The following OSBPL10 variants were observed in gnomAD, a reference collection of about 807,000 sequenced individuals.
OSBPL10 encodes the protein oxysterol binding protein like 10, also known as oxysterol-binding protein-related protein 10.
OSBPL10 carries 49 observed loss-of-function variants against 81.7 expected under a neutral mutation model. That is an observed-to-expected ratio of 0.60 (90% confidence interval 0.48 to 0.76). OSBPL10 has a LOEUF of 0.76. OSBPL10 is among the 30% of genes least tolerant of loss of function. The probability of loss-of-function intolerance (pLI) is 0.00; values close to 1 mark genes in which losing one functional copy is unlikely to be tolerated. For missense variants in OSBPL10, 923 were observed against 987.8 expected, an observed-to-expected ratio of 0.93 and a Z score of 0.88; for synonymous variants, 419 against 383.6, an observed-to-expected ratio of 1.09 and a Z score of -1.08.
intron 1 of OSBPL10, among the ~76,000 whole-genome samples, chr3:32,058,569 C>T (rs894503844): frequency 1.3e-5 from 2 of 152,120 alleles, no homozygotes; most frequent in African/African-American, 4.8e-5. Flanking sequence ...TCAAGTGATC[C>T]GCCCACCTCG....
chr3:31,853,790 C>A (rs1456060182), intron 3 of OSBPL10, among the ~76,000 whole-genome samples: 2 of 152,168 alleles, frequency 1.3e-5, no homozygotes, highest in East Asian at 3.9e-4. Context: ...CTGGCTGCAC[C>A]ACCCACACAT....
In OSBPL10 at chr3:31,879,909, C is replaced by T. The variant is rs1695509404; in HGVS notation, c.282-79G>A. 4 of 1,416,342 alleles carry T rather than the reference C, an allele frequency of 2.8e-6. No individual in the cohort carries two copies. The African/African-American group carries it at 5.8e-5, about 20-fold the overall frequency. 87.7% of individuals were successfully genotyped at this position (1,416,342 alleles called of 1,614,324 possible). On this transcript the variant is annotated intron_variant, in intron 1 of 11. Coordinates refer to ENST00000396556, the MANE Select transcript of OSBPL10 (RefSeq NM_017784.5). ...GCAAAGCAGAAAAAAGCAAAGTGAT[C>T]CAGAAGTCAACATCAAGACTCCACA...
chr3:31,792,257 C>T (rs1352602338), intron 4 of OSBPL10, among the ~76,000 whole-genome samples: 3 of 151,536 alleles, frequency 2.0e-5, no homozygotes, highest in South Asian at 2.1e-4. Context: ...ATGAGCAAGT[C>T]GTAATAATCT....
chr3:32,002,244 C>T (rs1182420902), intron 2 of OSBPL10, among the ~76,000 whole-genome samples: 1 of 152,144 alleles, frequency 6.6e-6, no homozygotes, highest in Non-Finnish European at 1.5e-5. Context: ...GCTGTCCACT[C>T]AACCAACCCA....
chr3:31,737,305 T>C (rs1002101782), intron 5 of OSBPL10, among the ~76,000 whole-genome samples: 2 of 152,028 alleles, frequency 1.3e-5, no homozygotes, highest in Non-Finnish European at 2.9e-5. Flanking sequence ...CATTCTTACG[T>C]GGAGTGAATA....
chr3:31,702,436 A>G lies in OSBPL10; in HGVS notation c.1168T>C (p.Leu390=). Residue 390 remains leucine, a synonymous_variant, in exon 7 of 12, where the codon TTG becomes CTG. Coordinates refer to ENST00000396556, the MANE Select transcript of OSBPL10 (RefSeq NM_017784.5). The part of the protein sequence containing the change: ...SDNEDKEETE[L]GVMEDQRSII... Reference sequence around the variant, plus strand: ...CTACGCTGATCCTCCATGACGCCCAATTCCGTCTCTTCCTTATCTTCATTG... The same window carrying G: ...CTACGCTGATCCTCCATGACGCCCAGTTCCGTCTCTTCCTTATCTTCATTG... 2 of 1,614,202 alleles carry G rather than the reference A, an allele frequency of 1.2e-6. No homozygotes were observed. The highest frequency in any genetic ancestry group is 4.5e-5 in the East Asian group (2 of 44,892).
chr3:31,664,022 C>T (rs1211710599), intron 11 of OSBPL10, 57 bp downstream of exon 11: 5 of 1,614,042 alleles, frequency 3.1e-6, no homozygotes, highest in Non-Finnish European at 4.2e-6. Context: ...AACCCATCTA[C>T]CCTCTCAGGA....
intron 4 of OSBPL10, among the ~76,000 whole-genome samples, chr3:31,791,089 A>G (rs1043764304): frequency 1.4e-4 from 2 of 14,052 alleles, no homozygotes; most frequent in Non-Finnish European, 3.7e-4. Context: ...ATGTCATGGA[A>G]AAAAAAAATA....
chr3:31,783,110 A>G (rs1351454244), intron 4 of OSBPL10, among the ~76,000 whole-genome samples: 2 of 97,424 alleles, frequency 2.1e-5, no homozygotes, highest in African/African-American at 1.0e-4. Context: ...CAATATATCT[A>G]TTATATATAT....
intron 3 of OSBPL10, among the ~76,000 whole-genome samples, chr3:31,836,719 G>A (rs933168579): frequency 1.3e-5 from 2 of 152,006 alleles, no homozygotes; most frequent in Non-Finnish European, 2.9e-5. Flanking sequence ...ACTTTCCACA[G>A]ATCCACCCAG....
intron 2 of OSBPL10, among the ~76,000 whole-genome samples, chr3:32,020,397 G>A (rs1236138753): frequency 6.6e-6 from 1 of 152,052 alleles, no homozygotes; most frequent in East Asian, 1.9e-4. Flanking sequence ...ACTATATGTA[G>A]TCTTCTGCAC....
chr3:31,942,534 C>CAAAAAA lies in OSBPL10; in HGVS notation c.281+38359_281+38364dup, dbSNP rs34915200. 1.7e-3 allele frequency among the ~76,000 whole-genome samples: 134 copies of CAAAAAA among 79,732 alleles called. 4 individuals carry two copies. Among genetic ancestry groups the CAAAAAA allele is most frequent in the African/African-American group, 6.2e-3 (126 of 20,278 alleles). The allele number at this position is 79,732 out of a possible 152,430, so 52.3% of individuals were successfully genotyped here. ...TGGGCGACAGGGTGAGACTCCATCT[C>CAAAAAA]AAAAAAAAAAAAAAAAAAAAAGTGA... On this transcript the variant is annotated intron_variant, in intron 1 of 11. Coordinates refer to ENST00000396556, the MANE Select transcript of OSBPL10 (RefSeq NM_017784.5).
chr3:32,037,880 TATATCCTAGGA>T (rs1699535193), intron 2 of OSBPL10, among the ~76,000 whole-genome samples: 1 of 152,162 alleles, frequency 6.6e-6, no homozygotes, highest in South Asian at 2.1e-4. Context: ...ACAGACTTCA[TATATCCTAGGA>T]AAGACTCTGC....
chr3:31,848,594 TA>T (rs796337362), intron 3 of OSBPL10, among the ~76,000 whole-genome samples: 26 of 152,276 alleles, frequency 1.7e-4, no homozygotes, highest in African/African-American at 6.0e-4. Context: ...TTCAACCTTT[TA>T]ATTGCATTTC....
intron 10 of OSBPL10, among the ~76,000 whole-genome samples, chr3:31,665,892 G>C (rs1700176479): frequency 6.6e-6 from 1 of 152,164 alleles, no homozygotes; most frequent in African/African-American, 2.4e-5. Context: ...GTGGCCCCAA[G>C]AGTAGAGGGC....
chr3:31,820,594 C>T (rs148733944), intron 4 of OSBPL10, among the ~76,000 whole-genome samples: 1,757 of 150,168 alleles, frequency 0.012, 13 homozygotes, highest in Non-Finnish European at 0.018. Context: ...GACTCCATCT[C>T]GGGAGAAAAA....
At chr3:31,965,676 A>AT (rs1698348190) in intron 1 of OSBPL10, among the ~76,000 whole-genome samples, 12 of 39,008 alleles carry the variant, frequency 3.1e-4, no homozygotes, top group South Asian at 1.1e-3. Context: ...ATTTTATATA[A>AT]TATATATTAT....
intron 4 of OSBPL10, among the ~76,000 whole-genome samples, chr3:31,774,377 A>G (rs1003697385): frequency 2.0e-5 from 3 of 152,174 alleles, no homozygotes; most frequent in African/African-American, 7.2e-5. Context: ...TTGCCACAAC[A>G]ACGCCCTGGA....
chr3:31,748,178 G>A (rs1347155190), intron 4 of OSBPL10, 58 bp from the exon 5 acceptor site: 2 of 1,476,354 alleles, frequency 1.4e-6, no homozygotes, highest in Admixed American at 1.9e-5. Context: ...GACAGGCTGG[G>A]GAGGCGGCAG....
Sources: allele counts gnomAD v4.1 joint callset (sites outside exome capture counted in the v4.1 genomes callset), GRCh38; gene constraint gnomAD v4.1.1; transcripts MANE v1.5; gene names NCBI Gene and HGNC (gene_info 2026-07-23, HGNC 2026-07-21).